The following BCKDHB variants were observed in gnomAD, a reference collection of about 807,000 sequenced individuals.
BCKDHB encodes the protein 2-oxoisovalerate dehydrogenase subunit beta, mitochondrial.
BCKDHB carries 41 observed loss-of-function variants against 48.5 expected under a neutral mutation model. The ratio of observed to expected loss-of-function variants is 0.85; its 90% CI spans 0.66 to 1.10. BCKDHB has a LOEUF of 1.10. Among genes scored for constraint, BCKDHB ranks in the 50% least tolerant of loss-of-function variants. The pLI is 0.00. For synonymous variants in BCKDHB, 201 were observed against 174.8 expected (o/e 1.15, Z -1.18); for missense variants, 496 against 494.2 (o/e 1.00, Z -0.03).
chr6:80,254,412 C>T (rs1448937494), intron 8 of BCKDHB, among the ~76,000 whole-genome samples: 1 of 151,998 alleles, frequency 6.6e-6, no homozygotes, highest in Non-Finnish European at 1.5e-5. Flanking sequence ...ATAATTCCAG[C>T]AGCCTGGGTG....
chr6:80,394,872 G>T, the BCKDHB span, among the ~76,000 whole-genome samples: 1 of 152,106 alleles, frequency 6.6e-6, no homozygotes, highest in African/African-American at 2.4e-5. Flanking sequence ...TATGGCGTTG[G>T]TTACCCTATG....
intron 8 of BCKDHB, among the ~76,000 whole-genome samples, chr6:80,257,419 A>G (rs1777098633): frequency 9.0e-6 from 1 of 111,124 alleles, no homozygotes; most frequent in Non-Finnish European, 1.8e-5. Flanking sequence ...ATTCATATAT[A>G]TTCCTTAAAG....
intron 8 of BCKDHB, among the ~76,000 whole-genome samples, chr6:80,212,541 A>G (rs1249816848): frequency 1.3e-5 from 2 of 152,120 alleles, no homozygotes; most frequent in East Asian, 1.9e-4. Flanking sequence ...CTGATTTCAT[A>G]TTGTTCAAAC....
At chr6:80,277,358 C>A (rs1778007179) in intron 9 of BCKDHB, among the ~76,000 whole-genome samples, 1 of 151,630 alleles carries the variant, frequency 6.6e-6, no homozygotes, top group Non-Finnish European at 1.5e-5. Context: ...TTAATATCAC[C>A]CAAATTAATT....
chr6:80,281,197 A>G (rs1778180846), intron 9 of BCKDHB, among the ~76,000 whole-genome samples: 2 of 152,036 alleles, frequency 1.3e-5, no homozygotes, highest in East Asian at 1.9e-4. Context: ...ATGGGTATAG[A>G]TAGGGTCACA....
At chr6:80,374,266 C>T in the BCKDHB span, 4 of 805,024 alleles carry the variant, frequency 5.0e-6, no homozygotes, top group African/African-American at 3.4e-5. Context: ...TTAAGTTCAC[C>T]ATTACTGTCT....
the BCKDHB span, among the ~76,000 whole-genome samples, chr6:80,423,704 T>A: frequency 6.6e-6 from 1 of 152,228 alleles, no homozygotes; most frequent in Non-Finnish European, 1.5e-5. Context: ...CTTTATCCTT[T>A]CACCTACTAA....
rs377023394 is a variant in BCKDHB at position 80,111,024 on chromosome 6, C to T, written c.196+4135C>T. On this transcript the variant is annotated intron_variant, in intron 1 of 9. Coordinates refer to ENST00000320393, the MANE Select transcript of BCKDHB (RefSeq NM_183050.4). The stretch of plus-strand genomic sequence containing the variant: ...AATTGTAGTAGTGCCCCTATTTTAA[C>T]CATAATATCTCTTTTTAACAGGGGG... 7.9e-5 allele frequency among the ~76,000 whole-genome samples: 12 copies of T among 152,182 alleles called. No individual in the cohort carries two copies. The East Asian group carries it at 1.9e-3, about 25-fold the overall frequency.
chr6:80,128,545 C>T, intron 2 of BCKDHB, among the ~76,000 whole-genome samples: 1 of 152,128 alleles, frequency 6.6e-6, no homozygotes, highest in East Asian at 1.9e-4. Flanking sequence ...GTGCTTGCCT[C>T]CTTTCTGCTT....
the BCKDHB span, chr6:80,355,675 G>C: frequency 1.3e-5 from 2 of 152,098 alleles, no homozygotes; most frequent in African/African-American, 4.8e-5. Flanking sequence ...CTGTCCCAAA[G>C]GCTAGACAAC....
chr6:80,434,506 G>T, the BCKDHB span, among the ~76,000 whole-genome samples: 4 of 151,718 alleles, frequency 2.6e-5, no homozygotes, highest in South Asian at 8.4e-4. Context: ...CCTGGGTTTT[G>T]CATGATGGTA....
At chr6:80,132,411 G>A (rs1040503634) in intron 3 of BCKDHB, among the ~76,000 whole-genome samples, 2 of 152,176 alleles carry the variant, frequency 1.3e-5, no homozygotes, top group Admixed American at 6.6e-5. Context: ...TATGAAGTGC[G>A]TGCTGTTGAG....
chr6:80,220,430 A>C (rs1337994080), intron 8 of BCKDHB, among the ~76,000 whole-genome samples: 1 of 47,806 alleles, frequency 2.1e-5, no homozygotes, highest in Non-Finnish European at 4.4e-5. Flanking sequence ...TTTTGGTCAT[A>C]GTTCTTTTCT....
chr6:80,360,774 G>A, the BCKDHB span, among the ~76,000 whole-genome samples: 905 of 152,102 alleles, frequency 5.9e-3, 10 homozygotes, highest in African/African-American at 0.021. Flanking sequence ...GGGAGGCTGC[G>A]GTGGGCGACT....
intron 3 of BCKDHB, among the ~76,000 whole-genome samples, chr6:80,146,410 A>G (rs183147784): frequency 6.6e-6 from 1 of 152,308 alleles, no homozygotes; most frequent in East Asian, 1.9e-4. Context: ...GAGAGTTTTG[A>G]TAGAAAATGG....
At chr6:80,442,200 T>G in the BCKDHB span, among the ~76,000 whole-genome samples, 1 of 152,268 alleles carries the variant, frequency 6.6e-6, no homozygotes, top group African/African-American at 2.4e-5. Flanking sequence ...TAATCTTGGA[T>G]GAGAAAAGAG....
chr6:80,188,661 A>G (rs1773759910), intron 6 of BCKDHB, among the ~76,000 whole-genome samples: 2 of 151,922 alleles, frequency 1.3e-5, no homozygotes, highest in African/African-American at 4.8e-5. Flanking sequence ...CAAAACCCCA[A>G]AACCCAAAAA....
chr6:80,417,404 T>C, the BCKDHB span, among the ~76,000 whole-genome samples: 1 of 152,192 alleles, frequency 6.6e-6, no homozygotes, highest in African/African-American at 2.4e-5. Flanking sequence ...TAGCTGGTTA[T>C]TTTGCACACT....
chr6:80,374,519 T>C, the BCKDHB span: 866 of 728,672 alleles, frequency 1.2e-3, 7 homozygotes, highest in African/African-American at 0.013. Flanking sequence ...TGGAACCTCT[T>C]GATTTGCATG....
Sources: allele counts gnomAD v4.1 joint callset (sites outside exome capture counted in the v4.1 genomes callset), GRCh38; gene constraint gnomAD v4.1.1; transcripts MANE v1.5; gene names NCBI Gene and HGNC (gene_info 2026-07-23, HGNC 2026-07-21).